The following PPM1L variants were observed in gnomAD, a reference collection of about 807,000 sequenced individuals.
The protein encoded by PPM1L is protein phosphatase, Mg2+/Mn2+ dependent 1L, also known as protein phosphatase 1L.
In PPM1L, 13 loss-of-function variants were observed where a neutral mutation model predicts 31.4. That is an observed-to-expected ratio of 0.41 (90% CI 0.27 to 0.66). The LOEUF (loss-of-function observed/expected upper bound fraction) is 0.66. PPM1L is among the 30% of genes least tolerant of loss of function. PPM1L has a pLI of 0.29. For synonymous variants in PPM1L, 184 were observed against 175.4 expected (o/e 1.05, Z -0.39); for missense variants, 326 against 453.7 (o/e 0.72, Z 2.56).
intron 2 of PPM1L, among the ~76,000 whole-genome samples, chr3:161,057,776 C>T (rs1261757457): frequency 1.3e-5 from 2 of 152,092 alleles, no homozygotes; most frequent in African/African-American, 4.8e-5. Flanking sequence ...CACAAGCCCC[C>T]CCGACTCCCT....
At chr3:160,947,307 G>A (rs1715439456) in intron 1 of PPM1L, among the ~76,000 whole-genome samples, 1 of 152,092 alleles carries the variant, frequency 6.6e-6, no homozygotes, top group Admixed American at 6.6e-5. Flanking sequence ...GCACCTCAGA[G>A]CAATTTTGAA....
At chr3:160,856,746 C>T (rs566276210) in intron 1 of PPM1L, among the ~76,000 whole-genome samples, 1 of 151,932 alleles carries the variant, frequency 6.6e-6, no homozygotes, top group South Asian at 2.1e-4. Context: ...TACATCAAAC[C>T]TTCGTGACAT....
chr3:160,772,855 C>T (rs530090626), intron 1 of PPM1L, among the ~76,000 whole-genome samples: 1 of 152,070 alleles, frequency 6.6e-6, no homozygotes, highest in East Asian at 1.9e-4. Context: ...TTTTTCTCAG[C>T]ACAATTATTT....
chr3:160,900,134 G>A (rs1713490084), intron 1 of PPM1L, among the ~76,000 whole-genome samples: 1 of 151,844 alleles, frequency 6.6e-6, no homozygotes, highest in African/African-American at 2.4e-5. Flanking sequence ...AATTCACTCT[G>A]TTATGAATAT....
intron 2 of PPM1L, among the ~76,000 whole-genome samples, chr3:161,001,657 A>AC (rs754783279): frequency 3.3e-5 from 5 of 151,960 alleles, no homozygotes; most frequent in Non-Finnish European, 7.4e-5. Flanking sequence ...CATAAATAAC[A>AC]CCCCCAGCTC....
Position 161,069,347 on chromosome 3 carries a change from C to T in PPM1L, c.*190C>T. ...GCCCTTGGCCAATGTAGTTAAGAAACTGGAAAATGGTTTCTTCATGTTTTC... is the reference window on the plus strand; with the variant it reads ...GCCCTTGGCCAATGTAGTTAAGAAATTGGAAAATGGTTTCTTCATGTTTTC... On this transcript the variant is annotated 3_prime_UTR_variant, in exon 4 of 4. Coordinates refer to ENST00000498165, the MANE Select transcript of PPM1L (RefSeq NM_139245.4). 3.5e-6 allele frequency: 2 copies of T among 578,946 alleles called. No homozygotes were observed. The allele number at this position is 578,946 out of a possible 1,614,324, so 35.9% of individuals were successfully genotyped here.
At chr3:160,970,255 G>A (rs1194292470) in intron 2 of PPM1L, among the ~76,000 whole-genome samples, 3 of 152,052 alleles carry the variant, frequency 2.0e-5, no homozygotes, top group Non-Finnish European at 2.9e-5. Context: ...ATGGTAGTAT[G>A]AATAACAAAA....
intron 1 of PPM1L, among the ~76,000 whole-genome samples, chr3:160,848,377 T>G (rs1280563133): frequency 6.6e-6 from 1 of 152,168 alleles, no homozygotes; most frequent in Non-Finnish European, 1.5e-5. Flanking sequence ...CTAGTGGACT[T>G]TTTTTTCCCG....
rs1336501882 is a variant in PPM1L at position 160,944,872 on chromosome 3, T to C, written c.400-16864T>C. 3.1e-4 allele frequency among the ~76,000 whole-genome samples: 10 copies of C among 32,616 alleles called. 2 individuals are homozygous for C. Among genetic ancestry groups the C allele is most frequent in the Admixed American group, 8.4e-4 (2 of 2,388 alleles). 21.4% of individuals were successfully genotyped at this position (32,616 alleles called of 152,430 possible). ...ATAACATATATTATATATAATGTTA[T>C]ATATAACATATATATTATATATAAC... On this transcript the variant is annotated intron_variant, in intron 1 of 3. Transcript: ENST00000498165.
intron 2 of PPM1L, among the ~76,000 whole-genome samples, chr3:161,003,220 C>T (rs1033706885): frequency 6.6e-6 from 1 of 151,100 alleles, no homozygotes; most frequent in African/African-American, 2.4e-5. Flanking sequence ...GTACCAGTAC[C>T]ATGCTGTTTT....
At chr3:161,042,614 A>C (rs1184078149) in intron 2 of PPM1L, among the ~76,000 whole-genome samples, 13 of 152,236 alleles carry the variant, frequency 8.5e-5, no homozygotes, top group Admixed American at 8.5e-4. Flanking sequence ...GTTCTCTGAA[A>C]ACCTTTTACT....
At chr3:160,980,598 G>T (rs1716760154) in intron 2 of PPM1L, among the ~76,000 whole-genome samples, 1 of 151,960 alleles carries the variant, frequency 6.6e-6, no homozygotes. Flanking sequence ...AGCCCTGGAG[G>T]TTGAGGCTGC....
intron 1 of PPM1L, among the ~76,000 whole-genome samples, chr3:160,949,384 A>G (rs914760514): frequency 2.0e-5 from 3 of 152,170 alleles, no homozygotes; most frequent in Admixed American, 6.6e-5. Context: ...TTTTATCATG[A>G]GATACAACAG....
chr3:160,919,473 T>A (rs1473647458), intron 1 of PPM1L, among the ~76,000 whole-genome samples: 1 of 152,222 alleles, frequency 6.6e-6, no homozygotes, highest in Non-Finnish European at 1.5e-5. Flanking sequence ...GTGGGTGTCA[T>A]CCTCATGCTA....
chr3:160,806,600 C>T (rs537732798), intron 1 of PPM1L, among the ~76,000 whole-genome samples: 12 of 152,172 alleles, frequency 7.9e-5, no homozygotes, highest in African/African-American at 1.4e-4. Flanking sequence ...TAGAATCACC[C>T]GGACAGCTTT....
intron 2 of PPM1L, among the ~76,000 whole-genome samples, chr3:161,019,921 G>A (rs754492907): frequency 1.1e-4 from 16 of 152,078 alleles, no homozygotes; most frequent in Non-Finnish European, 1.9e-4. Flanking sequence ...TCAGGAGATC[G>A]AGACCATCCT....
intron 2 of PPM1L, among the ~76,000 whole-genome samples, chr3:161,003,125 G>T (rs939951820): frequency 6.6e-6 from 1 of 151,684 alleles, no homozygotes; most frequent in African/African-American, 2.4e-5. Context: ...TTTTTCTCAG[G>T]TTTGTCAAAG....
chr3:161,056,794 G>A (rs752701619), intron 2 of PPM1L, among the ~76,000 whole-genome samples: 4 of 152,076 alleles, frequency 2.6e-5, no homozygotes, highest in Non-Finnish European at 4.4e-5. Flanking sequence ...CGGCACGTTG[G>A]CTCACCCCTG....
chr3:161,062,442 T>TA (rs1383109851), intron 2 of PPM1L, among the ~76,000 whole-genome samples: 1 of 151,984 alleles, frequency 6.6e-6, no homozygotes, highest in Non-Finnish European at 1.5e-5. Context: ...CTCTACAAAA[T>TA]AAAAAATAAG....
Sources: gnomAD v4.1 joint callset for allele counts (sites outside exome capture counted in the v4.1 genomes callset) on GRCh38, gnomAD v4.1.1 for gene constraint, MANE v1.5 for transcripts, NCBI Gene and HGNC (gene_info 2026-07-23, HGNC 2026-07-21) for gene names.